The following CADM2 variants were observed in gnomAD, a reference collection of about 807,000 sequenced individuals.
The protein encoded by CADM2 is cell adhesion molecule 2.
Under a neutral mutation model 49.8 loss-of-function variants are expected in CADM2, and 12 were observed. The ratio of observed to expected loss-of-function variants is 0.24; its 90% CI spans 0.15 to 0.39. CADM2 has a LOEUF of 0.39. CADM2 is among the 10% of genes least tolerant of loss of function. The pLI is 1.00. For missense variants in CADM2, 378 were observed against 492.3 expected (o/e 0.77, Z 2.20); for synonymous variants, 214 against 175.4 (o/e 1.22, Z -1.74).
chr3:86,046,104 A>G (rs1736645910), intron 8 of CADM2, among the ~76,000 whole-genome samples: 1 of 152,174 alleles, frequency 6.6e-6, no homozygotes, highest in Non-Finnish European at 1.5e-5. Context: ...GTTCAATAAA[A>G]ATTTAAGGAC....
chr3:85,574,696 T>A (rs2062579889), intron 1 of CADM2, among the ~76,000 whole-genome samples: 1 of 152,182 alleles, frequency 6.6e-6, no homozygotes, highest in Non-Finnish European at 1.5e-5. Flanking sequence ...AGAAAATATA[T>A]ACCCAGTGTA....
intron 1 of CADM2, among the ~76,000 whole-genome samples, chr3:85,600,136 T>G (rs1451587466): frequency 6.6e-6 from 1 of 152,006 alleles, no homozygotes; most frequent in Non-Finnish European, 1.5e-5. Context: ...AAATTATTGC[T>G]TAGTATCTTG....
At chr3:85,105,497 G>A (rs1455628149) in intron 1 of CADM2, among the ~76,000 whole-genome samples, 1 of 152,130 alleles carries the variant, frequency 6.6e-6, no homozygotes, top group East Asian at 1.9e-4. Flanking sequence ...CTGTTGGTGG[G>A]ACTGTCAACT....
chr3:85,622,134 A>G (rs2063996275), intron 1 of CADM2, among the ~76,000 whole-genome samples: 1 of 152,216 alleles, frequency 6.6e-6, no homozygotes, highest in East Asian at 1.9e-4. Context: ...ATAGATTCTT[A>G]CAAATACATT....
chr3:86,041,110 C>A (rs1218290720), intron 8 of CADM2, among the ~76,000 whole-genome samples: 1 of 152,088 alleles, frequency 6.6e-6, no homozygotes, highest in Non-Finnish European at 1.5e-5. Context: ...ACAACCGGTA[C>A]CAGCCACTGC....
intron 1 of CADM2, among the ~76,000 whole-genome samples, chr3:85,546,120 C>A (rs2061666057): frequency 6.6e-6 from 1 of 152,114 alleles, no homozygotes; most frequent in South Asian, 2.1e-4. Context: ...TCTTTATTAC[C>A]TTTATGCTCA....
chr3:85,009,503 C>A (rs971017445), intron 1 of CADM2, among the ~76,000 whole-genome samples: 9 of 152,102 alleles, frequency 5.9e-5, no homozygotes, highest in African/African-American at 1.9e-4. Flanking sequence ...ATTCCAATTA[C>A]CTATATTATT....
At chr3:84,977,268 A>C (rs1271762685) in intron 1 of CADM2, among the ~76,000 whole-genome samples, 1 of 152,006 alleles carries the variant, frequency 6.6e-6, no homozygotes, top group Non-Finnish European at 1.5e-5. Context: ...GCACATGGTG[A>C]AAGAGATTTA....
At chr3:85,832,267 T>A (rs1203939689) in intron 3 of CADM2, among the ~76,000 whole-genome samples, 2 of 151,858 alleles carry the variant, frequency 1.3e-5, no homozygotes, top group East Asian at 3.9e-4. Flanking sequence ...TCCAGCTTTA[T>A]TTTTTTTGCT....
intron 1 of CADM2, among the ~76,000 whole-genome samples, chr3:85,042,763 G>A (rs1376270796): frequency 6.6e-6 from 1 of 152,182 alleles, no homozygotes; most frequent in Non-Finnish European, 1.5e-5. Flanking sequence ...TCCTGGTGAT[G>A]TAAGAAAGGT....
chr3:85,040,304 C>T (rs1576094306), intron 1 of CADM2, among the ~76,000 whole-genome samples: 1 of 152,032 alleles, frequency 6.6e-6, no homozygotes, highest in African/African-American at 2.4e-5. Context: ...TTAAATATGC[C>T]GTACTTGGAA....
chr3:86,004,844 T>G lies in CADM2; in HGVS notation c.970+43197T>G, dbSNP rs139732546. ...GGACTGAAGTTCAGTGGTAACTTCC[T>G]ACCTGGGCATTCTGTGCCACACAGG... On this transcript the variant is annotated intron_variant, in intron 8 of 9. Transcript: ENST00000383699. Among the ~76,000 whole-genome samples the G allele has an allele frequency of 3.3e-5, 5 of 152,336 alleles. No homozygotes were observed. The East Asian group carries it at 5.8e-4, about 18-fold the overall frequency.
At chr3:85,592,625 T>C (rs142657357) in intron 1 of CADM2, among the ~76,000 whole-genome samples, 88 of 152,054 alleles carry the variant, frequency 5.8e-4, no homozygotes, top group African/African-American at 2.0e-3. Flanking sequence ...TTGGTGAGTA[T>C]GATAGTCTCA....
At chr3:85,642,088 C>G (rs1390852049) in intron 1 of CADM2, among the ~76,000 whole-genome samples, 1 of 152,186 alleles carries the variant, frequency 6.6e-6, no homozygotes, top group Admixed American at 6.5e-5. Context: ...AAAAATCATT[C>G]ATGTATTTGC....
At chr3:85,526,923 C>A (rs549272824) in intron 1 of CADM2, among the ~76,000 whole-genome samples, 1 of 152,272 alleles carries the variant, frequency 6.6e-6, no homozygotes, top group African/African-American at 2.4e-5. Context: ...AGGATTTGAA[C>A]ACAATTCAGT....
chr3:85,720,798 G>A (rs950732273), intron 1 of CADM2, among the ~76,000 whole-genome samples: 4 of 152,140 alleles, frequency 2.6e-5, no homozygotes, highest in African/African-American at 9.7e-5. Context: ...AGGAGAAAAG[G>A]TAGGCAGTTA....
chr3:85,988,263 A>G (rs1015338701), intron 8 of CADM2, among the ~76,000 whole-genome samples: 1 of 152,190 alleles, frequency 6.6e-6, no homozygotes, highest in Non-Finnish European at 1.5e-5. Context: ...CTAGACTTCA[A>G]ATAATCCCCC....
At chr3:86,046,692 G>A (rs148605243) in intron 8 of CADM2, among the ~76,000 whole-genome samples, 1 of 152,070 alleles carries the variant, frequency 6.6e-6, no homozygotes, top group Non-Finnish European at 1.5e-5. Context: ...TATCAGCATG[G>A]ACAATAGGAC....
intron 1 of CADM2, among the ~76,000 whole-genome samples, chr3:85,593,518 T>A (rs2063164441): frequency 6.6e-6 from 1 of 152,036 alleles, no homozygotes; most frequent in African/African-American, 2.4e-5. Flanking sequence ...ATAGAGCATT[T>A]GTTTCCAACT....
Sources: allele counts gnomAD v4.1 joint callset (sites outside exome capture counted in the v4.1 genomes callset), GRCh38; gene constraint gnomAD v4.1.1; transcripts MANE v1.5; gene names NCBI Gene and HGNC (gene_info 2026-07-23, HGNC 2026-07-21).